Variants in TEC observed in about 807,000 individuals in gnomAD.
The protein encoded by TEC is tec protein tyrosine kinase, also known as tyrosine-protein kinase Tec.
TEC carries 72 observed loss-of-function variants against 93.0 expected under a neutral mutation model. That is an observed-to-expected ratio of 0.77 (90% CI 0.64 to 0.94). The LOEUF is 0.94. Ranked by LOEUF, TEC falls within the 40% of genes least tolerant of loss-of-function variation. The probability of loss-of-function intolerance (pLI) is 0.00; values close to 1 mark genes in which losing one functional copy is unlikely to be tolerated. For missense variants in TEC, 630 were observed against 757.9 expected (o/e 0.83, Z 1.98); for synonymous variants, 249 against 247.7 (o/e 1.01, Z -0.05).
intron 8 of TEC, among the ~76,000 whole-genome samples, chr4:48,161,443 C>A (rs950555802): frequency 6.6e-6 from 1 of 152,032 alleles, no homozygotes; most frequent in African/African-American, 2.4e-5. Flanking sequence ...CTCCTCCCTA[C>A]ACTGTTGACT....
intron 8 of TEC, among the ~76,000 whole-genome samples, chr4:48,160,116 A>AT (rs1168094019): frequency 6.6e-6 from 1 of 152,214 alleles, no homozygotes; most frequent in Non-Finnish European, 1.5e-5. Context: ...AAGTAGTATT[A>AT]TCACCACTGT....
At chr4:48,156,552 G>T in intron 9 of TEC, 128 bp downstream of exon 9, 1 of 714,390 alleles carries the variant, frequency 1.4e-6, no homozygotes, top group Non-Finnish European at 2.2e-6. Context: ...CTCAGCCTCT[G>T]GGAATAGTTT....
chr4:48,188,623 C>T (rs1404403760), intron 2 of TEC, among the ~76,000 whole-genome samples: 1 of 152,014 alleles, frequency 6.6e-6, no homozygotes, highest in Non-Finnish European at 1.5e-5. Context: ...TGTATGTATG[C>T]TATACATACA....
chr4:48,138,267 T>C (rs1427077607), intron 17 of TEC, among the ~76,000 whole-genome samples: 4 of 152,198 alleles, frequency 2.6e-5, no homozygotes, highest in East Asian at 3.8e-4. Flanking sequence ...GGAGGTAACA[T>C]TTCAATACTT....
At chr4:48,153,571 T>C (rs1399162887) in intron 9 of TEC, 3 of 152,212 alleles carry the variant, frequency 2.0e-5, no homozygotes, top group Non-Finnish European at 2.9e-5. Context: ...ATTGGAACAC[T>C]AAGCTGTGGG....
intron 2 of TEC, among the ~76,000 whole-genome samples, chr4:48,193,777 G>GTT (rs113925714): frequency 1.6e-4 from 24 of 147,448 alleles, no homozygotes; most frequent in South Asian, 4.3e-4. Flanking sequence ...ATGTGTTAGG[G>GTT]TTTTTTTTTT....
At position 48,185,794 on chromosome 4, in the gene TEC, TCCCCCTCTCCCATCTCCCTCC is replaced by T. The variant is rs1560397340; in HGVS notation, c.139-9629_139-9609del. 1.5e-3 allele frequency among the ~76,000 whole-genome samples: 18 copies of T among 11,652 alleles called. No homozygotes were observed. The South Asian group carries it at 0.016, about 10-fold the overall frequency. 7.6% of individuals were successfully genotyped at this position (11,652 alleles called of 152,430 possible). A position where few individuals can be genotyped will look rare whatever the true frequency, so the allele number is the denominator to read the frequency against. ...TGAAGGCTCTCCCTCTCCCTCCCCC[TCCCCCTCTCCCATCTCCCTCC>T]CCCTCCCCCTCTCCCATCTCCCTCT... On this transcript the variant is annotated intron_variant, in intron 2 of 17. Coordinates refer to ENST00000381501, the MANE Select transcript of TEC (RefSeq NM_003215.3).
chr4:48,147,323 G>T (rs1440467456), intron 11 of TEC, among the ~76,000 whole-genome samples: 1 of 152,140 alleles, frequency 6.6e-6, no homozygotes, highest in African/African-American at 2.4e-5. Context: ...GTACACAACT[G>T]TTTACAGAAG....
At chr4:48,256,079 C>G (rs1318328900) in intron 1 of TEC, among the ~76,000 whole-genome samples, 1 of 152,214 alleles carries the variant, frequency 6.6e-6, no homozygotes, top group Non-Finnish European at 1.5e-5. Flanking sequence ...ACACATATGA[C>G]TCCAAGGTAA....
chr4:48,187,368 A>G (rs934604975), intron 2 of TEC, among the ~76,000 whole-genome samples: 3 of 150,648 alleles, frequency 2.0e-5, no homozygotes, highest in African/African-American at 7.4e-5. Context: ...CCTTCCCTCC[A>G]CTATTGTCCT....
At chr4:48,222,504 G>C (rs1723300671) in intron 2 of TEC, among the ~76,000 whole-genome samples, 1 of 151,848 alleles carries the variant, frequency 6.6e-6, no homozygotes, top group Non-Finnish European at 1.5e-5. Context: ...AATGGGCCAT[G>C]GGGTACCCAG....
chr4:48,224,645 A>G (rs1440424775), intron 2 of TEC, among the ~76,000 whole-genome samples: 5 of 152,362 alleles, frequency 3.3e-5, no homozygotes, highest in Admixed American at 2.6e-4. Context: ...TTAACTAACT[A>G]CCATAAAGAA....
intron 11 of TEC, among the ~76,000 whole-genome samples, chr4:48,147,168 C>T (rs1719951588): frequency 6.6e-6 from 1 of 151,896 alleles, no homozygotes; most frequent in Admixed American, 6.6e-5. Flanking sequence ...GCAAAAACAC[C>T]AAAAAAGAAA....
intron 1 of TEC, 134 bp downstream of exon 1, chr4:48,269,618 G>A (rs1394859769): frequency 1.3e-5 from 2 of 152,296 alleles, no homozygotes; most frequent in South Asian, 2.1e-4. Flanking sequence ...CGGCACGGAG[G>A]GGAGAAAATC....
At chr4:48,235,568 ATGCTG>A (rs1723761693) in intron 1 of TEC, among the ~76,000 whole-genome samples, 1 of 152,182 alleles carries the variant, frequency 6.6e-6, no homozygotes, top group African/African-American at 2.4e-5. Flanking sequence ...TACCTGCTAA[ATGCTG>A]TGAAATCTGG....
At chr4:48,149,534 G>T in intron 11 of TEC, 23 bp downstream of exon 11, 1 of 1,569,618 alleles carries the variant, frequency 6.4e-7, no homozygotes, top group Non-Finnish European at 8.6e-7. Flanking sequence ...TATATTTGAA[G>T]TAGGTTTTCA....
chr4:48,205,121 CT>C (rs970572590), intron 2 of TEC, among the ~76,000 whole-genome samples: 109 of 152,380 alleles, frequency 7.2e-4, no homozygotes, highest in African/African-American at 2.5e-3. Flanking sequence ...GATAATACAA[CT>C]TGCCTCAGAA....
chr4:48,237,265 A>G (rs1173144728), intron 1 of TEC, among the ~76,000 whole-genome samples: 1 of 151,338 alleles, frequency 6.6e-6, no homozygotes, highest in Non-Finnish European at 1.5e-5. Flanking sequence ...GGTTGCAGTG[A>G]GCCAAGATCG....
At position 48,136,833 on chromosome 4, in the gene TEC, AT is replaced by A. The variant is rs1719445045; in HGVS notation, c.*582del. The A allele has an allele frequency of 6.6e-6, 1 of 151,856 alleles. No individual in the cohort carries two copies. The highest frequency in any genetic ancestry group is 2.4e-5 in the African/African-American group (1 of 41,414). The allele number at this position is 151,856 out of a possible 1,614,324, so 9.4% of individuals were successfully genotyped here. ...TCATAAATATATAACTTTATATATT[AT>A]ATATATTTACAATATATACAGCATA... On this transcript the variant is annotated 3_prime_UTR_variant, in exon 18 of 18. Transcript: ENST00000381501.
Sources: gnomAD v4.1 joint callset for allele counts (sites outside exome capture counted in the v4.1 genomes callset) on GRCh38, gnomAD v4.1.1 for gene constraint, MANE v1.5 for transcripts, NCBI Gene and HGNC (gene_info 2026-07-23, HGNC 2026-07-21) for gene names.